ATP8A2: variants seen among roughly 807,000 people sequenced by gnomAD.
ATP8A2 encodes the protein phospholipid-transporting ATPase IB.
In ATP8A2, 100 loss-of-function variants were observed where a neutral mutation model predicts 165.6. The observed-to-expected ratio is 0.60, with a 90% CI of 0.51 to 0.71. The LOEUF (loss-of-function observed/expected upper bound fraction) is 0.71. ATP8A2 is among the 30% of genes least tolerant of loss of function. ATP8A2 has a pLI of 0.00. For synonymous variants in ATP8A2, 543 were observed against 548.8 expected (o/e 0.99, Z 0.15); for missense variants, 1,227 against 1,479.5 (o/e 0.83, Z 2.80).
chr13:25,756,659 T>C (rs217897), intron 25 of ATP8A2, among the ~76,000 whole-genome samples: 150,213 of 152,314 alleles, frequency 0.99, 74,108 homozygotes, highest in East Asian at 1. Flanking sequence ...TGGGTTTTCT[T>C]ACCTGTAAAA....
chr13:25,711,197 G>T (rs1210876691), intron 25 of ATP8A2, among the ~76,000 whole-genome samples: 2 of 152,050 alleles, frequency 1.3e-5, no homozygotes, highest in Admixed American at 6.5e-5. Flanking sequence ...TACAGACAGG[G>T]TTTCACTATG....
chr13:25,745,638 T>C (rs891777977), intron 25 of ATP8A2, among the ~76,000 whole-genome samples: 6 of 152,186 alleles, frequency 3.9e-5, no homozygotes, highest in African/African-American at 1.4e-4. Context: ...CTGGAGTGTT[T>C]ACAAGTGGAG....
At chr13:25,573,784 A>G (rs573370238) in intron 18 of ATP8A2, among the ~76,000 whole-genome samples, 1 of 152,220 alleles carries the variant, frequency 6.6e-6, no homozygotes, top group East Asian at 1.9e-4. Context: ...GAGAAAGGGA[A>G]CTCGGAACTC....
Position 25,629,650 on chromosome 13 carries a change from T to G in ATP8A2, c.2211+39951T>G, listed in dbSNP as rs1422288276. On this transcript the variant is annotated intron_variant, in intron 24 of 36. Coordinates refer to ENST00000381655, the MANE Select transcript of ATP8A2 (RefSeq NM_016529.6). ...GGCTATTTGAAGGAATAGCTTAAGC[T>G]ATGAGGCAAGGCCCATCAGAATGTC... 3.9e-5 allele frequency among the ~76,000 whole-genome samples: 6 copies of G among 152,190 alleles called. No homozygotes were observed. The East Asian group carries it at 1.2e-3, about 29-fold the overall frequency.
Position 25,734,812 on chromosome 13 carries a change from T to C in ATP8A2, c.2385-34234T>C, listed in dbSNP as rs141690333. On this transcript the variant is annotated intron_variant, in intron 25 of 36. Coordinates refer to ENST00000381655, the MANE Select transcript of ATP8A2 (RefSeq NM_016529.6). ...CATCACCACACCTGGCTAATTTTTA[T>C]ATTTTTAGTAGAGACGGGGTTTCAC... Among the ~76,000 whole-genome samples, 1,286 of 152,258 alleles carry C rather than the reference T, an allele frequency of 8.4e-3. 14 individuals carry two copies. The highest frequency in any genetic ancestry group is 0.03 in the African/African-American group (1,230 of 41,544).
chr13:25,531,324 T>TGATA (rs2038069809), intron 4 of ATP8A2, among the ~76,000 whole-genome samples: 1 of 124,714 alleles, frequency 8.0e-6, no homozygotes, highest in Admixed American at 8.5e-5. Context: ...ATGTTATATA[T>TGATA]GATATATATA....
intron 2 of ATP8A2, among the ~76,000 whole-genome samples, chr13:25,481,643 G>C (rs757032811): frequency 7.8e-4 from 119 of 152,330 alleles, no homozygotes; most frequent in Non-Finnish European, 1.3e-3. Context: ...AAAATACATA[G>C]ACTGCGGGGG....
intron 12 of ATP8A2, among the ~76,000 whole-genome samples, chr13:25,554,752 G>T (rs1041958446): frequency 2.6e-5 from 4 of 151,998 alleles, no homozygotes; most frequent in Admixed American, 2.0e-4. Context: ...TAAAGACAGG[G>T]TTTCACCATG....
chr13:25,510,218 CACAGAG>C (rs776561102), intron 2 of ATP8A2, among the ~76,000 whole-genome samples: 2 of 64,760 alleles, frequency 3.1e-5, no homozygotes, highest in Admixed American at 1.6e-4. Context: ...CACACACACA[CACAGAG>C]AATGTTGAAA....
intron 25 of ATP8A2, among the ~76,000 whole-genome samples, chr13:25,742,041 A>T (rs2043924480): frequency 1.3e-5 from 2 of 152,192 alleles, no homozygotes; most frequent in South Asian, 4.1e-4. Flanking sequence ...GTCATCAGGA[A>T]ATTTTATCAT....
chr13:25,937,362 C>CTTTTTTTT (rs1555293658), intron 33 of ATP8A2, among the ~76,000 whole-genome samples: 8 of 38,806 alleles, frequency 2.1e-4, no homozygotes, highest in Admixed American at 4.6e-4. Context: ...TTCTTTCTTT[C>CTTTTTTTT]TTTTTTTTTT....
intron 33 of ATP8A2, among the ~76,000 whole-genome samples, chr13:25,945,655 G>C (rs566140944): frequency 1.3e-5 from 2 of 152,322 alleles, no homozygotes; most frequent in African/African-American, 4.8e-5. Context: ...AAGAATCCCT[G>C]TGGGGGTGCA....
chr13:25,816,032 A>ATTAAT (rs1332536615), intron 27 of ATP8A2, among the ~76,000 whole-genome samples: 4 of 152,188 alleles, frequency 2.6e-5, no homozygotes, highest in Non-Finnish European at 5.9e-5. Flanking sequence ...GGTTTAATTA[A>ATTAAT]TACCATTAAT....
At chr13:25,505,512 G>C (rs1284192124) in intron 2 of ATP8A2, among the ~76,000 whole-genome samples, 3 of 152,162 alleles carry the variant, frequency 2.0e-5, no homozygotes, top group Non-Finnish European at 4.4e-5. Context: ...AACACAACCT[G>C]ATATAAGTGC....
At chr13:25,855,459 C>A (rs1952135844) in intron 30 of ATP8A2, among the ~76,000 whole-genome samples, 1 of 152,112 alleles carries the variant, frequency 6.6e-6, no homozygotes, top group Admixed American at 6.5e-5. Context: ...TACTTCATTC[C>A]TTTTTATTGC....
intron 1 of ATP8A2, among the ~76,000 whole-genome samples, chr13:25,445,717 T>C (rs1164700364): frequency 6.6e-6 from 1 of 152,160 alleles, no homozygotes; most frequent in African/African-American, 2.4e-5. Flanking sequence ...TAGATGGTGG[T>C]AGATGGTGGC....
chr13:25,996,537 T>A (rs1956508452), intron 35 of ATP8A2, among the ~76,000 whole-genome samples: 1 of 152,244 alleles, frequency 6.6e-6, no homozygotes, highest in Admixed American at 6.5e-5. Flanking sequence ...TTATTTTTTA[T>A]TTTTTGAGAT....
intron 15 of ATP8A2, among the ~76,000 whole-genome samples, chr13:25,563,268 G>C (rs992816993): frequency 3.3e-5 from 5 of 152,128 alleles, no homozygotes; most frequent in Non-Finnish European, 5.9e-5. Context: ...AATTAGCCAG[G>C]TGTGATGGTG....
At chr13:25,848,768 T>C (rs1951936318) in intron 30 of ATP8A2, among the ~76,000 whole-genome samples, 1 of 152,190 alleles carries the variant, frequency 6.6e-6, no homozygotes, top group African/African-American at 2.4e-5. Context: ...TTTATACTAC[T>C]TTTTACGGGG....
Sources: allele counts gnomAD v4.1 joint callset (sites outside exome capture counted in the v4.1 genomes callset), GRCh38; gene constraint gnomAD v4.1.1; transcripts MANE v1.5; gene names NCBI Gene and HGNC (gene_info 2026-07-23, HGNC 2026-07-21).